Variants in NRXN3 observed in about 807,000 individuals in gnomAD.
NRXN3 encodes the protein neurexin III.
Under a neutral mutation model 137.6 loss-of-function variants are expected in NRXN3, and 32 were observed. That is an observed-to-expected ratio of 0.23 (90% CI 0.18 to 0.31). The LOEUF is 0.31. NRXN3 is among the 10% of genes least tolerant of loss of function. NRXN3 has a pLI of 1.00. For missense variants in NRXN3, 1,574 were observed against 2,062.5 expected (o/e 0.76, Z 4.59); for synonymous variants, 798 against 784.5 (o/e 1.02, Z -0.29).
intron 14 of NRXN3, 84 bp downstream of exon 14, chr14:78,968,430 T>A: frequency 7.8e-7 from 1 of 1,287,704 alleles, no homozygotes; most frequent in Non-Finnish European, 1.1e-6. Flanking sequence ...GCCTCCTTCC[T>A]CAGTTGACCA....
chr14:79,737,821 G>T (rs547280277), intron 19 of NRXN3, among the ~76,000 whole-genome samples: 35 of 151,940 alleles, frequency 2.3e-4, no homozygotes, highest in Non-Finnish European at 4.0e-4. Flanking sequence ...GCCTCTCAAA[G>T]TGCTGGGATT....
chr14:78,825,125 A>G (rs1208028418), intron 10 of NRXN3, among the ~76,000 whole-genome samples: 6 of 142,910 alleles, frequency 4.2e-5, no homozygotes, highest in African/African-American at 1.3e-4. Context: ...CCATTCCAGG[A>G]GGCGGAGGTT....
chr14:79,448,027 C>T (rs370619282), intron 15 of NRXN3, among the ~76,000 whole-genome samples: 3 of 152,180 alleles, frequency 2.0e-5, no homozygotes, highest in South Asian at 4.1e-4. Context: ...AGACAAGGAC[C>T]TCCTTCACAC....
chr14:79,052,810 A>G (rs1263187824), intron 15 of NRXN3, among the ~76,000 whole-genome samples: 2 of 152,172 alleles, frequency 1.3e-5, no homozygotes, highest in Non-Finnish European at 2.9e-5. Flanking sequence ...CTGAGAGCCC[A>G]TATCTGCAGT....
chr14:78,902,884 G>A (rs1249324751), intron 10 of NRXN3, among the ~76,000 whole-genome samples: 1 of 151,248 alleles, frequency 6.6e-6, no homozygotes, highest in Admixed American at 6.6e-5. Context: ...GTTGCTCATG[G>A]ATCTGTGACT....
intron 11 of NRXN3, 43 bp from the exon 12 acceptor site, chr14:78,965,982 G>C: frequency 1.3e-6 from 2 of 1,586,952 alleles, no homozygotes; most frequent in Non-Finnish European, 8.6e-7. Context: ...TGTGATAAAT[G>C]ATGGTAACTT....
intron 1 of NRXN3, among the ~76,000 whole-genome samples, chr14:78,236,749 A>G (rs2066373368): frequency 8.3e-6 from 1 of 121,010 alleles, no homozygotes. Flanking sequence ...CTTTTTTTTG[A>G]TGAAGAAAGA....
At chr14:78,385,322 CA>C (rs2089794807) in intron 4 of NRXN3, among the ~76,000 whole-genome samples, 1 of 150,396 alleles carries the variant, frequency 6.6e-6, no homozygotes, top group African/African-American at 2.4e-5. Flanking sequence ...CACACACACA[CA>C]CACACACACA....
At chr14:78,728,228 T>A (rs1246337515) in intron 8 of NRXN3, among the ~76,000 whole-genome samples, 1 of 152,216 alleles carries the variant, frequency 6.6e-6, no homozygotes, top group Non-Finnish European at 1.5e-5. Context: ...GCTCAGTGGG[T>A]CCTTGTGATT....
At chr14:79,317,069 A>T (rs1485049116) in intron 15 of NRXN3, among the ~76,000 whole-genome samples, 2 of 151,914 alleles carry the variant, frequency 1.3e-5, no homozygotes, top group Admixed American at 1.3e-4. Context: ...TGTCTTTACT[A>T]AAAGTACAAA....
intron 15 of NRXN3, among the ~76,000 whole-genome samples, chr14:79,261,544 A>G (rs569310186): frequency 6.7e-6 from 1 of 148,748 alleles, no homozygotes; most frequent in South Asian, 2.2e-4. Flanking sequence ...GAAAGAAAGC[A>G]TAAGTCCAGT....
chr14:79,604,241 G>C (rs573850282), intron 16 of NRXN3, among the ~76,000 whole-genome samples: 2 of 150,826 alleles, frequency 1.3e-5, no homozygotes, highest in African/African-American at 2.4e-5. Context: ...TTGTTTCTTT[G>C]TTTGTTTGTT....
intron 15 of NRXN3, among the ~76,000 whole-genome samples, chr14:79,371,711 T>C (rs757909756): frequency 7.9e-5 from 12 of 152,230 alleles, no homozygotes; most frequent in African/African-American, 2.9e-4. Context: ...GTATGGATCA[T>C]TGGATGGCAG....
intron 16 of NRXN3, among the ~76,000 whole-genome samples, chr14:79,655,930 C>T (rs1049137042): frequency 2.0e-5 from 3 of 152,140 alleles, no homozygotes; most frequent in Non-Finnish European, 4.4e-5. Flanking sequence ...ATACATGTTA[C>T]TGGGCCTCAC....
rs766972289 is a variant in NRXN3, at chr14:78,803,650, T to C, written c.2075T>C (p.Met692Thr). Residue 692 changes from methionine to threonine, a missense_variant, in exon 9 of 21, where the codon ATG (methionine) becomes ACG (threonine). Met to Thr is a moderately conservative substitution (Grantham distance 81, BLOSUM62 -1). Coordinates refer to ENST00000335750, the MANE Select transcript of NRXN3 (RefSeq NM_001330195.2). ...TCCATCCTGAGCTATGATGGTAGCA[T>C]GTACATGAAGATCATCATGCCCATG... ...EASILSYDGS[M>T]YMKIIMPMVM... 1.9e-6 allele frequency: 3 copies of C among 1,614,178 alleles called. No homozygotes were observed. The highest frequency in any genetic ancestry group is 1.7e-5 in the Admixed American group (1 of 60,034).
chr14:79,689,721 T>C (rs1434067365), intron 17 of NRXN3, among the ~76,000 whole-genome samples: 21 of 152,124 alleles, frequency 1.4e-4, no homozygotes, highest in Admixed American at 1.4e-3. Flanking sequence ...AACATAGTTA[T>C]CTCTTTTTCT....
chr14:78,778,760 CTTT>C (rs2098755965), intron 8 of NRXN3, among the ~76,000 whole-genome samples: 1 of 12,518 alleles, frequency 8.0e-5, no homozygotes, highest in Non-Finnish European at 1.6e-4. Flanking sequence ...CCTTCTTTCT[CTTT>C]CTTTCTTTCT....
rs11449914 is a variant in NRXN3 at position 79,825,206 on chromosome 14, C to CTTTT, written c.4093+20033_4093+20036dup. On this transcript the variant is annotated intron_variant, in intron 20 of 20. Transcript: ENST00000335750. ...AATTGGTGAAATAATTCTTTGTGTGCTTTTTTTTTTTTTTTTTTTTACGGC... is the reference window on the plus strand; with the variant it reads ...AATTGGTGAAATAATTCTTTGTGTGCTTTTTTTTTTTTTTTTTTTTTTTTACGGC... 2.2e-3 allele frequency among the ~76,000 whole-genome samples: 263 copies of CTTTT among 117,766 alleles called. 4 individuals carry two copies. Among genetic ancestry groups the CTTTT allele is most frequent in the Non-Finnish European group, 2.3e-3 (134 of 58,890 alleles). The allele number at this position is 117,766 out of a possible 152,430, so 77.3% of individuals were successfully genotyped here.
chr14:78,214,170 C>T (rs1184960597), intron 1 of NRXN3, among the ~76,000 whole-genome samples: 2 of 152,202 alleles, frequency 1.3e-5, no homozygotes, highest in African/African-American at 2.4e-5. Flanking sequence ...ACTATGCTTT[C>T]CTCCCTGTCC....
Sources: allele counts gnomAD v4.1 joint callset (sites outside exome capture counted in the v4.1 genomes callset), GRCh38; gene constraint gnomAD v4.1.1; transcripts MANE v1.5; gene names NCBI Gene and HGNC (gene_info 2026-07-23, HGNC 2026-07-21).